SBNO1: variants seen among roughly 807,000 people sequenced by gnomAD.
SBNO1 encodes strawberry notch homolog 1.
Under a neutral mutation model 173.6 loss-of-function variants are expected in SBNO1, and 23 were observed. That is an observed-to-expected ratio of 0.13 (90% CI 0.10 to 0.19). The LOEUF (loss-of-function observed/expected upper bound fraction) is 0.19, where lower values mean the gene tolerates loss of function less well. Among genes scored for constraint, SBNO1 ranks in the 10% least tolerant of loss-of-function variants. SBNO1 has a pLI of 1.00. For synonymous variants in SBNO1, 632 were observed against 571.5 expected, an observed-to-expected ratio of 1.11 and a Z score of -1.51; for missense variants, 1,238 against 1,671.2, an observed-to-expected ratio of 0.74 and a Z score of 4.52.
At chr12:123,363,074 G>C (rs59774237) in intron 1 of SBNO1, among the ~76,000 whole-genome samples, 8,229 of 152,018 alleles carry the variant, frequency 0.054, 720 homozygotes, top group African/African-American at 0.19. Flanking sequence ...CAACAGAGTG[G>C]GACCCTGTCT....
At chr12:123,296,077 A>G in intron 31 of SBNO1, 27 bp from the exon 32 acceptor site, 1 of 1,504,712 alleles carries the variant, frequency 6.6e-7, no homozygotes. Context: ...GAATTTATCA[A>G]GTTGTGTCCA....
intron 5 of SBNO1, among the ~76,000 whole-genome samples, chr12:123,339,941 C>T (rs1321921328): frequency 6.6e-6 from 1 of 152,130 alleles, no homozygotes; most frequent in East Asian, 1.9e-4. Flanking sequence ...TCCTTTAGCT[C>T]CCTTCCTAAT....
rs778574723 is a variant in SBNO1 at position 123,309,533 on chromosome 12, G to C, written c.3493C>G (p.Leu1165Val). 6.2e-7 allele frequency: 1 copy of C among 1,614,108 alleles called. No homozygotes were observed. The highest frequency in any genetic ancestry group is 1.7e-5 in the Admixed American group (1 of 60,028). The change falls in exon 27 of 32, where the codon CTG becomes GTG. Residue 1165 changes from leucine to valine, a missense_variant. Physicochemically the swap from Leu to Val is conservative, Grantham distance 32. Transcript: ENST00000602398. ...CCAGAGGTTGAATATCCTGGAGTCA[G>C]AAACTTTTTAACATCACTTTTCCGC... Reference protein sequence around the residue: ...KVRKSDVKKFLTPGYSTSGHV... With the variant: ...KVRKSDVKKFVTPGYSTSGHV...
chr12:123,341,004 C>T lies in SBNO1; in HGVS notation c.635G>A (p.Ser212Asn), dbSNP rs1872500196. Reference protein sequence around the residue: ...RMWINDMKMRSFSPTMKVPVV... With the variant: ...RMWINDMKMRNFSPTMKVPVV... ...GAAACTCACCATGGTTGGGGAAAAA[C>T]TCCTCATCTTCATGTCGTTTATCCA... Residue 212 changes from serine to asparagine, a missense_variant, in exon 5 of 32, where the codon AGT becomes AAT. Coordinates refer to ENST00000602398, the MANE Select transcript of SBNO1 (RefSeq NM_001167856.3). The T allele has an allele frequency of 1.3e-6, 2 of 1,591,654 alleles. No individual in the cohort carries two copies. The highest frequency in any genetic ancestry group is 1.8e-4 in the Middle Eastern group (1 of 5,660).
chr12:123,327,672 C>T (rs1870757388), intron 12 of SBNO1, 35 bp downstream of exon 12: 2 of 1,578,902 alleles, frequency 1.3e-6, no homozygotes, highest in Non-Finnish European at 8.7e-7. Flanking sequence ...TCTTAGATTG[C>T]TACTGAGAAG....
In SBNO1 at chr12:123,293,824, GAGA is replaced by G. The variant is rs1356840388; in HGVS notation, c.*2081_*2083del. 3 of 152,200 alleles carry G rather than the reference GAGA, an allele frequency of 2.0e-5. No individual in the cohort carries two copies. Among genetic ancestry groups the G allele is most frequent in the Non-Finnish European group, 2.9e-5 (2 of 68,046 alleles). The allele number at this position is 152,200 out of a possible 1,614,324, so 9.4% of individuals were successfully genotyped here. ...GAGGAGTTGGGCCAACAGCCTGCGA[GAGA>G]AGATCCTTCCCAACTCTGCCATTCT... On this transcript the variant is annotated 3_prime_UTR_variant, in exon 32 of 32. Transcript: ENST00000602398.
chr12:123,326,425 G>A, intron 13 of SBNO1, 91 bp from the exon 14 acceptor site: 2 of 704,976 alleles, frequency 2.8e-6, no homozygotes, highest in African/African-American at 1.8e-5. Context: ...TTAAGTGCAA[G>A]ACCATTTAAT....
intron 5 of SBNO1, 143 bp from the exon 6 acceptor site, chr12:123,336,634 G>C (rs1271477265): frequency 1.7e-6 from 1 of 599,914 alleles, no homozygotes; most frequent in East Asian, 2.9e-5. Context: ...CTAAAATCTG[G>C]GCCACACTTC....
rs935049278 is a variant in SBNO1, at chr12:123,325,399, G to A, written c.1973+103C>T. 1.4e-5 allele frequency: 10 copies of A among 738,236 alleles called. No individual in the cohort carries two copies. In the African/African-American group the frequency reaches 1.8e-4, roughly 13 times the overall value. The allele number at this position is 738,236 out of a possible 1,614,324, so 45.7% of individuals were successfully genotyped here. On this transcript the variant is annotated intron_variant, in intron 15 of 31. Coordinates refer to ENST00000602398, the MANE Select transcript of SBNO1 (RefSeq NM_001167856.3). ...CAGATCAAGAAAACTTAAAGATGAT[G>A]CAGGTGAAACAAAAGTTTTGTCTCC...
chr12:123,315,342 G>C, intron 23 of SBNO1, 31 bp downstream of exon 23: 1 of 1,534,602 alleles, frequency 6.5e-7, no homozygotes, highest in Non-Finnish European at 9.0e-7. Context: ...ACTATCACAA[G>C]TTTTCAGAGA....
Position 123,291,835 on chromosome 12 carries a change from A to G in SBNO1, c.*4073T>C, listed in dbSNP as rs1212945251. ...CATTCAGAATCCAGAAGAACTCAACATTTCTCTATATATACATTTATGTAC... is the reference window on the plus strand; with the variant it reads ...CATTCAGAATCCAGAAGAACTCAACGTTTCTCTATATATACATTTATGTAC... On this transcript the variant is annotated 3_prime_UTR_variant, in exon 32 of 32. Coordinates refer to ENST00000602398, the MANE Select transcript of SBNO1 (RefSeq NM_001167856.3). 6.6e-6 allele frequency: 1 copy of G among 152,010 alleles called. No individual in the cohort carries two copies. Among genetic ancestry groups the G allele is most frequent in the Non-Finnish European group, 1.5e-5 (1 of 68,010 alleles). 9.4% of individuals were successfully genotyped at this position (152,010 alleles called of 1,614,324 possible). A position where few individuals can be genotyped will look rare whatever the true frequency, so the allele number is the denominator to read the frequency against.
At chr12:123,364,600 G>C in intron 1 of SBNO1, 101 bp downstream of exon 1, 2 of 979,642 alleles carry the variant, frequency 2.0e-6, no homozygotes, top group Non-Finnish European at 2.4e-6. Flanking sequence ...CGAGGTGGCT[G>C]TCCCCCCAGC....
In SBNO1 at chr12:123,304,641, T is replaced by G. The variant is rs1566023120; in HGVS notation, c.3709A>C (p.Asn1237His). ...KKKLFLVYRP[N>H]TGKQLKLEIY... ...TCTAATTTGAGCTGCTTCCCAGTAT[T>G]TGGTCGATAAACTAAGAAAAGTTTC... The change falls in exon 29 of 32, where the codon AAT (asparagine) becomes CAT (histidine). Residue 1237 changes from asparagine (N) to histidine (H), a missense_variant. Physicochemically the swap from Asn to His is moderately conservative, Grantham distance 68 (BLOSUM62 1). Around this residue, in one of 14 missense-constraint regions of SBNO1, gnomAD observed 351 missense variants for 420.3 expected, o/e 0.84. Transcript: ENST00000602398. The G allele has an allele frequency of 1.9e-6, 3 of 1,575,462 alleles. No homozygotes were observed. Among genetic ancestry groups the G allele is most frequent in the Non-Finnish European group, 2.6e-6 (3 of 1,146,140 alleles).
At chr12:123,334,337 G>T (rs1284538184) in intron 6 of SBNO1, 124 bp from the exon 7 acceptor site, 17 of 637,476 alleles carry the variant, frequency 2.7e-5, no homozygotes, top group Non-Finnish European at 4.2e-5. Context: ...TATTCACTCT[G>T]AGCTTCCATA....
chr12:123,364,009 T>G, intron 1 of SBNO1: 1 of 985,460 alleles, frequency 1.0e-6, no homozygotes, highest in Non-Finnish European at 1.2e-6. Context: ...GCTCTCAAAG[T>G]AAGCAAATCC....
chr12:123,311,792 A>G (rs993776773), intron 24 of SBNO1, among the ~76,000 whole-genome samples: 4 of 149,498 alleles, frequency 2.7e-5, no homozygotes, highest in Admixed American at 6.7e-5. Context: ...CTGGAGTGCA[A>G]TGGCATCATC....
At chr12:123,359,134 C>A (rs1451424119) in intron 1 of SBNO1, among the ~76,000 whole-genome samples, 2 of 151,842 alleles carry the variant, frequency 1.3e-5, no homozygotes, top group Non-Finnish European at 2.9e-5. Flanking sequence ...AGGGTTTCAC[C>A]GTGCTAGCCA....
Position 123,294,262 on chromosome 12 carries a change from C to A in SBNO1, c.*1646G>T, listed in dbSNP as rs1679482062. 6.6e-6 allele frequency: 1 copy of A among 152,140 alleles called. No individual in the cohort carries two copies. The highest frequency in any genetic ancestry group is 2.1e-4 in the South Asian group (1 of 4,830). 9.4% of individuals were successfully genotyped at this position (152,140 alleles called of 1,614,324 possible). On this transcript the variant is annotated 3_prime_UTR_variant, in exon 32 of 32. Coordinates refer to ENST00000602398, the MANE Select transcript of SBNO1 (RefSeq NM_001167856.3). ...TAAAGGAGACACAAGAGGATGAACG[C>A]CCTAAGCTTTCAGCCAGGTTTGTCA...
chr12:123,307,754 C>T (rs1221928079), intron 28 of SBNO1, among the ~76,000 whole-genome samples: 2 of 151,988 alleles, frequency 1.3e-5, no homozygotes, highest in African/African-American at 4.8e-5. Flanking sequence ...AGTGAGACAC[C>T]ATCTCTACAA....
Sources: allele counts gnomAD v4.1 joint callset (sites outside exome capture counted in the v4.1 genomes callset), GRCh38; gene constraint gnomAD v4.1.1; regional missense constraint gnomAD v4.1.1; transcripts MANE v1.5; gene names NCBI Gene and HGNC (gene_info 2026-07-23, HGNC 2026-07-21).